The following CERKL variants were observed in gnomAD, a reference collection of about 807,000 sequenced individuals.
CERKL encodes the protein ceramide kinase-like protein.
CERKL carries 61 observed loss-of-function variants against 63.4 expected under a neutral mutation model. The observed-to-expected ratio is 0.96, with a 90% CI of 0.78 to 1.19. The LOEUF is 1.19. CERKL is among the 50% of genes most tolerant of loss of function. CERKL has a pLI of 0.00. For synonymous variants in CERKL, 250 were observed against 230.5 expected, an observed-to-expected ratio of 1.08 and a Z score of -0.77; for missense variants, 675 against 655.5, an observed-to-expected ratio of 1.03 and a Z score of -0.33.
At chr2:181,578,386 G>T (rs951806538) in intron 2 of CERKL, among the ~76,000 whole-genome samples, 1 of 152,016 alleles carries the variant, frequency 6.6e-6, no homozygotes. Context: ...TACAACCTTT[G>T]CCTCCCAGGC....
intron 1 of CERKL, among the ~76,000 whole-genome samples, chr2:181,623,351 A>C (rs983875572): frequency 1.3e-5 from 2 of 152,214 alleles, no homozygotes; most frequent in African/African-American, 4.8e-5. Context: ...TTAGGCTACC[A>C]GGAACTAAAA....
intron 1 of CERKL, among the ~76,000 whole-genome samples, chr2:181,630,873 A>G (rs1686928530): frequency 1.3e-5 from 2 of 152,194 alleles, no homozygotes; most frequent in South Asian, 4.1e-4. Context: ...TTGCCATATC[A>G]AGGAAAACAT....
intron 2 of CERKL, among the ~76,000 whole-genome samples, chr2:181,602,027 C>T (rs1202523031): frequency 6.6e-6 from 1 of 152,188 alleles, no homozygotes; most frequent in African/African-American, 2.4e-5. Context: ...CTAGATCAAA[C>T]AAAAACATCA....
intron 2 of CERKL, chr2:181,603,115 A>G: frequency 3.5e-6 from 1 of 289,288 alleles, no homozygotes; most frequent in South Asian, 3.2e-5. Flanking sequence ...TAACCTTTAG[A>G]AAAAGCTACT....
intron 1 of CERKL, among the ~76,000 whole-genome samples, chr2:181,634,108 A>G (rs1687076146): frequency 2.0e-5 from 3 of 152,182 alleles, no homozygotes; most frequent in Non-Finnish European, 4.4e-5. Flanking sequence ...ACATCCATAG[A>G]CAGCTTCGGT....
Position 181,537,837 on chromosome 2 carries a change from T to TG in CERKL, c.*346_*347insC. 1 of 488,770 alleles carries TG rather than the reference T, an allele frequency of 2.0e-6. No homozygotes were observed. Among genetic ancestry groups the TG allele is most frequent in the Non-Finnish European group, 4.0e-6 (1 of 249,920 alleles). The allele number at this position is 488,770 out of a possible 1,614,324, so 30.3% of individuals were successfully genotyped here. ...AGAGGCTAATTGTTAGTAACATCAATTTCTATTAGGATATCCGTTTGGCCA... is the reference window on the plus strand; with the variant it reads ...AGAGGCTAATTGTTAGTAACATCAATGTTCTATTAGGATATCCGTTTGGCCA... On this transcript the variant is annotated 3_prime_UTR_variant, in exon 13 of 13. Transcript: ENST00000410087.
chr2:181,646,273 T>C (rs1179135174), intron 1 of CERKL, among the ~76,000 whole-genome samples: 1 of 152,222 alleles, frequency 6.6e-6, no homozygotes, highest in Non-Finnish European at 1.5e-5. Flanking sequence ...GCTTCCTAAA[T>C]ACTCCTTCAC....
chr2:181,539,238 G>GT lies in CERKL; in HGVS notation c.1391dup (p.Tyr464Ter). The GT allele has an allele frequency of 1.9e-6, 3 of 1,597,074 alleles. No homozygotes were observed. Among genetic ancestry groups the GT allele is most frequent in the Non-Finnish European group, 2.6e-6 (3 of 1,164,806 alleles). The part of the protein sequence containing the change: ...NQFNFPFVET[Y>*]TVEEVKVHPR... The stretch of plus-strand genomic sequence containing the variant: ...GATGAACTTTTACTTCCTCAACAGT[G>GT]TAAGTCTCAACAAATGGAAAATTGA... Residue 464 changes from tyrosine (Y) to a stop codon, truncating the protein, a stop_gained and frameshift_variant, in exon 12 of 13, where the codon TAC becomes TAAC. Coordinates refer to ENST00000410087, the MANE Select transcript of CERKL (RefSeq NM_201548.5). LOFTEE classifies it high-confidence loss of function.
intron 3 of CERKL, among the ~76,000 whole-genome samples, chr2:181,571,573 A>AT (rs1425557056): frequency 2.7e-4 from 41 of 152,224 alleles, no homozygotes; most frequent in African/African-American, 9.6e-4. Context: ...CAACAGTATG[A>AT]TAAAAAAAAA....
At chr2:181,576,054 C>A (rs967453108) in intron 2 of CERKL, among the ~76,000 whole-genome samples, 3 of 152,074 alleles carry the variant, frequency 2.0e-5, no homozygotes, top group African/African-American at 7.2e-5. Context: ...TGAGAAAATA[C>A]AATATTGAAT....
intron 1 of CERKL, among the ~76,000 whole-genome samples, chr2:181,621,867 T>C (rs1400680252): frequency 2.0e-5 from 3 of 152,202 alleles, no homozygotes; most frequent in Non-Finnish European, 2.9e-5. Context: ...ATCAATACGA[T>C]GTGACACAAC....
intron 2 of CERKL, among the ~76,000 whole-genome samples, chr2:181,585,217 G>C (rs13387426): frequency 0.13 from 19,545 of 151,842 alleles, 1,477 homozygotes; most frequent in East Asian, 0.25. Context: ...AGCTCCTTGA[G>C]GTCAAGAACT....
At chr2:181,538,760 C>T (rs1687337804) in intron 12 of CERKL, among the ~76,000 whole-genome samples, 1 of 152,192 alleles carries the variant, frequency 6.6e-6, no homozygotes, top group East Asian at 1.9e-4. Context: ...CAGATGGCTC[C>T]ACTAAAAGAT....
intron 1 of CERKL, among the ~76,000 whole-genome samples, chr2:181,611,504 A>T (rs1218120087): frequency 6.6e-6 from 1 of 152,016 alleles, no homozygotes; most frequent in African/African-American, 2.4e-5. Context: ...ACAAAAAAAT[A>T]AAAAATAAAC....
At chr2:181,546,121 T>C (rs1237843586) in intron 10 of CERKL, among the ~76,000 whole-genome samples, 2 of 152,194 alleles carry the variant, frequency 1.3e-5, no homozygotes, top group Admixed American at 1.3e-4. Flanking sequence ...AAAGATGGCA[T>C]GTTGTGATTA....
At chr2:181,608,401 G>A (rs1685811869) in intron 1 of CERKL, among the ~76,000 whole-genome samples, 1 of 131,388 alleles carries the variant, frequency 7.6e-6, no homozygotes, top group East Asian at 2.7e-4. Context: ...AACAATAAGA[G>A]CACAAAGGAA....
chr2:181,542,071 T>C (rs1396159770), intron 11 of CERKL, among the ~76,000 whole-genome samples: 8 of 152,114 alleles, frequency 5.3e-5, no homozygotes, highest in Non-Finnish European at 7.4e-5. Flanking sequence ...ATGAGAGGGC[T>C]GCAAAGAAAT....
chr2:181,604,125 G>C (rs752473198), intron 1 of CERKL, 46 bp from the exon 2 acceptor site: 1 of 1,511,536 alleles, frequency 6.6e-7, no homozygotes, highest in African/African-American at 1.4e-5. Flanking sequence ...GTGTTTCATA[G>C]AGAGGAACAA....
intron 10 of CERKL, among the ~76,000 whole-genome samples, chr2:181,546,455 C>T (rs908036385): frequency 6.6e-6 from 1 of 152,166 alleles, no homozygotes; most frequent in Non-Finnish European, 1.5e-5. Flanking sequence ...TCGGGGAAAA[C>T]CACCAGGCTC....
Sources: allele counts gnomAD v4.1 joint callset (sites outside exome capture counted in the v4.1 genomes callset), GRCh38; gene constraint gnomAD v4.1.1; transcripts MANE v1.5; gene names NCBI Gene and HGNC (gene_info 2026-07-23, HGNC 2026-07-21).